ASH1L: variants seen among roughly 807,000 people sequenced by gnomAD.
ASH1L encodes the protein ASH1 like histone lysine methyltransferase, also known as histone-lysine N-methyltransferase ASH1L.
In ASH1L, 23 loss-of-function variants were observed where a neutral mutation model predicts 269.0. The ratio of observed to expected loss-of-function variants is 0.09; its 90% CI spans 0.06 to 0.12. ASH1L has a LOEUF of 0.12. Ranked by LOEUF, ASH1L falls within the 10% of genes least tolerant of loss-of-function variation. The probability of loss-of-function intolerance (pLI) is 1.00; values close to 1 mark genes in which losing one functional copy is unlikely to be tolerated. For missense variants in ASH1L, 2,912 were observed against 3,567.8 expected, an observed-to-expected ratio of 0.82 and a Z score of 4.68; for synonymous variants, 1,187 against 1,253.5, an observed-to-expected ratio of 0.95 and a Z score of 1.12.
chr1:155,345,961 A>T, intron 21 of ASH1L: 2 of 351,942 alleles, frequency 5.7e-6, no homozygotes, highest in South Asian at 4.4e-5. Flanking sequence ...CCACCCAAGT[A>T]CCTGAGACTT....
intron 5 of ASH1L, chr1:155,434,051 G>T: frequency 6.3e-7 from 1 of 1,592,556 alleles, no homozygotes; most frequent in Non-Finnish European, 8.5e-7. Context: ...ATCAAGCAGC[G>T]ACTATGCATA....
At chr1:155,556,441 T>C (rs1453236792) in intron 1 of ASH1L, among the ~76,000 whole-genome samples, 2 of 137,548 alleles carry the variant, frequency 1.5e-5, no homozygotes, top group Non-Finnish European at 3.3e-5. Context: ...TGTGTGTGTA[T>C]GTGTATATAT....
intron 5 of ASH1L, among the ~76,000 whole-genome samples, chr1:155,418,912 A>C (rs770662242): frequency 2.5e-4 from 38 of 152,096 alleles, no homozygotes; most frequent in Non-Finnish European, 5.1e-4. Flanking sequence ...TACTAAAAAT[A>C]AAAAAGAAAT....
In ASH1L at chr1:155,361,833, A is replaced by G. The variant is rs1202536097; in HGVS notation, c.6687-1424T>C. On this transcript the variant is annotated intron_variant, in intron 12 of 27. Transcript: ENST00000392403. ...GGTTGCAGTGAGCTGAGATCATGCC[A>G]CTGCATTCCAGCCTAGGCAACAGAG... Among the ~76,000 whole-genome samples the G allele has an allele frequency of 2.0e-5, 3 of 148,224 alleles. No individual in the cohort carries two copies. In the Admixed American group the frequency reaches 2.1e-4, roughly 10 times the overall value.
Position 155,347,851 on chromosome 1 carries a change from C to T in ASH1L, c.7608G>A (p.Lys2536=). The change falls in exon 20 of 28, where the codon AAG becomes AAA. Residue 2536 remains lysine, a synonymous_variant. Transcript: ENST00000392403. ...CCTCATGCCGGGCATTGTAATAGGC[C>T]TTTCGTAGACGACAAACATCTCTCC... is the stretch of plus-strand genomic sequence containing the variant. The part of the protein sequence containing the change: ...PVGRDVCRLR[K]AYYNARHEAS... 1 of 1,614,206 alleles carries T rather than the reference C, an allele frequency of 6.2e-7. No individual in the cohort carries two copies. The highest frequency in any genetic ancestry group is 8.5e-7 in the Non-Finnish European group (1 of 1,180,040).
In ASH1L at chr1:155,562,406, A is replaced by T. The variant is rs1287407967; in HGVS notation, c.-353T>A. On this transcript the variant is annotated 5_prime_UTR_variant, in exon 1 of 28. Transcript: ENST00000392403. The stretch of plus-strand genomic sequence containing the variant: ...GGGATCGTCTCCCCTCCGCAAAGCG[A>T]ACCCAAAATGGCGGCGGGAGCGGCG... 1.5e-5 allele frequency: 22 copies of T among 1,495,670 alleles called. No individual in the cohort carries two copies. The highest frequency in any genetic ancestry group is 2.0e-5 in the Non-Finnish European group (22 of 1,101,616). The allele number at this position is 1,495,670 out of a possible 1,614,324, so 92.6% of individuals were successfully genotyped here. A position where few individuals can be genotyped will look rare whatever the true frequency, so the allele number is the denominator to read the frequency against.
chr1:155,429,322 G>T (rs904586812), intron 5 of ASH1L, among the ~76,000 whole-genome samples: 3 of 152,128 alleles, frequency 2.0e-5, no homozygotes, highest in East Asian at 3.8e-4. Flanking sequence ...CACCCTGGGT[G>T]GATTGCAGTG....
chr1:155,410,252 A>G (rs1393513181), intron 6 of ASH1L, among the ~76,000 whole-genome samples: 1 of 152,002 alleles, frequency 6.6e-6, no homozygotes, highest in Non-Finnish European at 1.5e-5. Flanking sequence ...TCAGTCTCAC[A>G]AGCAGCTGGG....
At chr1:155,492,876 G>A (rs1666901262) in intron 2 of ASH1L, among the ~76,000 whole-genome samples, 1 of 151,936 alleles carries the variant, frequency 6.6e-6, no homozygotes, top group Non-Finnish European at 1.5e-5. Flanking sequence ...CCAGGCTAGA[G>A]TGCAGTGTCA....
At chr1:155,427,239 AT>A (rs1661227129) in intron 5 of ASH1L, among the ~76,000 whole-genome samples, 1 of 151,062 alleles carries the variant, frequency 6.6e-6, no homozygotes, top group African/African-American at 2.4e-5. Context: ...GGTTCTAGCA[AT>A]TCTGCTGCCT....
intron 7 of ASH1L, among the ~76,000 whole-genome samples, chr1:155,388,397 T>C (rs1657618894): frequency 6.6e-6 from 1 of 152,130 alleles, no homozygotes; most frequent in South Asian, 2.1e-4. Flanking sequence ...GCTCAGGTGA[T>C]CCTCCTGCCT....
At chr1:155,500,825 G>A (rs554131382) in intron 2 of ASH1L, among the ~76,000 whole-genome samples, 156 of 152,118 alleles carry the variant, frequency 1.0e-3, no homozygotes, top group African/African-American at 3.5e-3. Context: ...AAAATTAGCC[G>A]AACATGGTGG....
Position 155,424,564 on chromosome 1 carries a change from C to T in ASH1L, c.5829-8641G>A, listed in dbSNP as rs549756346. ...CTGGGATTACGGGCATGCGCCACTA[C>T]GCCGGGCTAATTTTGTATTTTTAGT... On this transcript the variant is annotated intron_variant, in intron 5 of 27. Coordinates refer to ENST00000392403, the MANE Select transcript of ASH1L (RefSeq NM_018489.3). Among the ~76,000 whole-genome samples the T allele has an allele frequency of 5.9e-5, 9 of 151,988 alleles. No individual in the cohort carries two copies. In the South Asian group the frequency reaches 1.0e-3, roughly 18 times the overall value.
rs917283552 is a variant in ASH1L at position 155,429,856 on chromosome 1, G to C, written c.5828+8471C>G. The stretch of plus-strand genomic sequence containing the variant: ...GCTTTGTCACCCAGGATGGAATGTG[G>C]TGGCACGATTATGGCTCACTGTAGC... On this transcript the variant is annotated intron_variant, in intron 5 of 27. Transcript: ENST00000392403. 2.0e-5 allele frequency among the ~76,000 whole-genome samples: 3 copies of C among 152,174 alleles called. No individual in the cohort carries two copies. The East Asian group carries it at 5.8e-4, about 29-fold the overall frequency.
chr1:155,472,653 G>T (rs1362334570), intron 3 of ASH1L, among the ~76,000 whole-genome samples: 1 of 152,078 alleles, frequency 6.6e-6, no homozygotes, highest in African/African-American at 2.4e-5. Flanking sequence ...GCGAACAAAA[G>T]AATACAAGCA....
chr1:155,440,291 G>C (rs775581560), intron 4 of ASH1L, among the ~76,000 whole-genome samples: 1 of 152,060 alleles, frequency 6.6e-6, no homozygotes, highest in Non-Finnish European at 1.5e-5. Flanking sequence ...CTGGATGACA[G>C]AGCAAGACCC....
upstream of ASH1L, chr1:155,563,161 C>CT (rs1672170233): frequency 2.2e-6 from 1 of 456,972 alleles, no homozygotes; most frequent in Non-Finnish European, 4.4e-6. Context: ...CGAGGACTGC[C>CT]TAGCGCCCCT....
At chr1:155,465,401 T>C (rs916607075) in intron 3 of ASH1L, among the ~76,000 whole-genome samples, 14 of 151,790 alleles carry the variant, frequency 9.2e-5, no homozygotes, top group Non-Finnish European at 1.8e-4. Context: ...TAATATAGTA[T>C]GAATTTTAGT....
chr1:155,379,438 T>G (rs1026018223), intron 8 of ASH1L, among the ~76,000 whole-genome samples: 1 of 152,296 alleles, frequency 6.6e-6, no homozygotes, highest in African/African-American at 2.4e-5. Flanking sequence ...CATGACTATT[T>G]CTATTTCCCA....
Sources: gnomAD v4.1 joint callset for allele counts (sites outside exome capture counted in the v4.1 genomes callset) on GRCh38, gnomAD v4.1.1 for gene constraint, MANE v1.5 for transcripts, NCBI Gene and HGNC (gene_info 2026-07-23, HGNC 2026-07-21) for gene names.